Variants in ADAM23 observed in about 807,000 individuals in gnomAD.
The protein encoded by ADAM23 is disintegrin and metalloproteinase domain-containing protein 23.
A neutral mutation model predicts 120.1 loss-of-function variants in ADAM23; 33 were observed. That is an observed-to-expected ratio of 0.27 (90% CI 0.21 to 0.37). The LOEUF is 0.37. ADAM23 is among the 10% of genes least tolerant of loss of function. The pLI is 1.00. For synonymous variants in ADAM23, 367 were observed against 375.2 expected, an observed-to-expected ratio of 0.98 and a Z score of 0.25; for missense variants, 862 against 1,058.2, an observed-to-expected ratio of 0.81 and a Z score of 2.57.
intron 24 of ADAM23, chr2:206,609,641 G>A: frequency 2.6e-6 from 1 of 383,378 alleles, no homozygotes; most frequent in Non-Finnish European, 4.6e-6. Context: ...AGCAAGTGGG[G>A]CCTATTTGCT....
chr2:206,475,632 G>A (rs1695759557), intron 2 of ADAM23, among the ~76,000 whole-genome samples: 2 of 151,860 alleles, frequency 1.3e-5, no homozygotes, highest in Non-Finnish European at 2.9e-5. Flanking sequence ...TGGTGAAGTG[G>A]ACTCTTGTTC....
intron 2 of ADAM23, among the ~76,000 whole-genome samples, chr2:206,465,551 A>G (rs2105863660): frequency 6.6e-6 from 1 of 152,328 alleles, no homozygotes; most frequent in African/African-American, 2.4e-5. Context: ...TTTTATTTTG[A>G]GCTCTTAATC....
rs527865073 is a variant in ADAM23 at position 206,592,505 on chromosome 2, T to C, written c.1959-112T>C. 9.2e-5 allele frequency: 123 copies of C among 1,334,618 alleles called. No homozygotes were observed. In the South Asian group the frequency reaches 1.7e-3, roughly 19 times the overall value. The allele number at this position is 1,334,618 out of a possible 1,614,324, so 82.7% of individuals were successfully genotyped here. A position where few individuals can be genotyped will look rare whatever the true frequency, so the allele number is the denominator to read the frequency against. On this transcript the variant is annotated intron_variant, in intron 21 of 25. Coordinates refer to ENST00000264377, the MANE Select transcript of ADAM23 (RefSeq NM_003812.4). ...TGATATATGATCAAATGTTTTTGTTTAGAAAGAAAGATAATATTTTAAAAA... is the reference window on the plus strand; with the variant it reads ...TGATATATGATCAAATGTTTTTGTTCAGAAAGAAAGATAATATTTTAAAAA...
rs1199167461 is a variant in ADAM23 at position 206,477,893 on chromosome 2, A to ATAT, written c.433-3339_433-3338insTAT. On this transcript the variant is annotated intron_variant, in intron 2 of 25. Transcript: ENST00000264377. ...CCAATATTCTGTTAAAAAAAAAAAA[A>ATAT]AAAAATATATATATATATATATATA... Among the ~76,000 whole-genome samples, 541 of 101,336 alleles carry ATAT rather than the reference A, an allele frequency of 5.3e-3. 4 individuals are homozygous for ATAT. The highest frequency in any genetic ancestry group is 0.016 in the South Asian group (55 of 3,542). 66.5% of individuals were successfully genotyped at this position (101,336 alleles called of 152,430 possible).
At chr2:206,607,262 G>C (rs567813559) in intron 24 of ADAM23, 1 of 152,164 alleles carries the variant, frequency 6.6e-6, no homozygotes, top group Non-Finnish European at 1.5e-5. Flanking sequence ...CCATAACAGG[G>C]ATAAAAATAT....
chr2:206,464,584 T>A (rs189038451), intron 2 of ADAM23, among the ~76,000 whole-genome samples: 8,218 of 149,222 alleles, frequency 0.055, 283 homozygotes, highest in Middle Eastern at 0.12. Flanking sequence ...AAAAAAAAAA[T>A]AATAATAATA....
At chr2:206,550,897 G>A (rs528481748) in intron 9 of ADAM23, among the ~76,000 whole-genome samples, 133 of 152,308 alleles carry the variant, frequency 8.7e-4, no homozygotes, top group African/African-American at 2.9e-3. Context: ...CACCGCGCCC[G>A]GCGACTTATC....
intron 4 of ADAM23, among the ~76,000 whole-genome samples, chr2:206,532,820 C>T (rs973152281): frequency 1.3e-5 from 2 of 151,850 alleles, no homozygotes; most frequent in Non-Finnish European, 2.9e-5. Context: ...TGACTCTTTC[C>T]AATCTTTCAC....
At chr2:206,547,601 C>T (rs1697426058) in intron 7 of ADAM23, 100 bp downstream of exon 7, 1 of 1,000,708 alleles carries the variant, frequency 1.0e-6, no homozygotes, top group Admixed American at 2.3e-5. Flanking sequence ...TGGAATTGGT[C>T]TGATATCAGG....
rs1698343187 is a variant in ADAM23 at position 206,587,379 on chromosome 2, T to C, written c.1788+4T>C. ...ATATGCATGCAATCAAAATCAGGTA[T>C]GCTGGGCTATAAATTTTAAGTGTAA... is the stretch of plus-strand genomic sequence containing the variant. On this transcript the variant is annotated splice_donor_region_variant and intron_variant, in intron 19 of 25. Coordinates refer to ENST00000264377, the MANE Select transcript of ADAM23 (RefSeq NM_003812.4). 5 of 1,598,676 alleles carry C rather than the reference T, an allele frequency of 3.1e-6. No individual in the cohort carries two copies. In the South Asian group the frequency reaches 4.6e-5, roughly 15 times the overall value.
Position 206,604,191 on chromosome 2 carries a change from G to A in ADAM23, c.2360-5719G>A, listed in dbSNP as rs954628523. On this transcript the variant is annotated intron_variant, in intron 24 of 25. Transcript: ENST00000264377. ...TGAGGCAGAAGAATTGCTTGAACCC[G>A]GGAGGCAGAGGTTGCAGTGAGCTGA... 3.3e-5 allele frequency among the ~76,000 whole-genome samples: 5 copies of A among 152,058 alleles called. No individual in the cohort carries two copies. In the South Asian group the frequency reaches 1.0e-3, roughly 32 times the overall value.
intron 3 of ADAM23, among the ~76,000 whole-genome samples, chr2:206,493,403 G>A (rs754103281): frequency 4.0e-5 from 6 of 151,872 alleles, no homozygotes; most frequent in African/African-American, 9.7e-5. Context: ...ACGGAGTTTC[G>A]CTCTTGTCAC....
intron 20 of ADAM23, among the ~76,000 whole-genome samples, chr2:206,588,816 G>T (rs1307880474): frequency 6.6e-6 from 1 of 152,210 alleles, no homozygotes; most frequent in East Asian, 1.9e-4. Context: ...CACAGAATGA[G>T]AACAGGGCTC....
At chr2:206,554,748 C>T (rs1697607188) in intron 9 of ADAM23, among the ~76,000 whole-genome samples, 2 of 152,144 alleles carry the variant, frequency 1.3e-5, no homozygotes, top group South Asian at 4.1e-4. Context: ...AAACCCACCT[C>T]ATAGAGTTGT....
intron 2 of ADAM23, among the ~76,000 whole-genome samples, chr2:206,469,899 G>C (rs912032749): frequency 1.3e-5 from 2 of 152,090 alleles, no homozygotes; most frequent in African/African-American, 4.8e-5. Context: ...CCTAGTCTTT[G>C]CTCAAATATC....
At chr2:206,564,429 C>T (rs1190585667) in intron 13 of ADAM23, among the ~76,000 whole-genome samples, 1 of 152,180 alleles carries the variant, frequency 6.6e-6, no homozygotes, top group Non-Finnish European at 1.5e-5. Flanking sequence ...ATCCTCACTT[C>T]AACTCTAACA....
At chr2:206,469,962 T>G (rs1559221330) in intron 2 of ADAM23, among the ~76,000 whole-genome samples, 1 of 152,188 alleles carries the variant, frequency 6.6e-6, no homozygotes. Flanking sequence ...ATCACCTCTT[T>G]CTTCTAAAAA....
At chr2:206,533,021 C>T (rs895086329) in intron 4 of ADAM23, among the ~76,000 whole-genome samples, 3 of 151,016 alleles carry the variant, frequency 2.0e-5, no homozygotes, top group African/African-American at 7.3e-5. Context: ...ACCACCATTA[C>T]ATATATATAT....
At chr2:206,539,231 A>G (rs1487785886) in intron 4 of ADAM23, among the ~76,000 whole-genome samples, 1 of 152,202 alleles carries the variant, frequency 6.6e-6, no homozygotes, top group East Asian at 1.9e-4. Context: ...TGACTAGCCA[A>G]TAACTTCCAC....
Sources: gnomAD v4.1 joint callset for allele counts (sites outside exome capture counted in the v4.1 genomes callset) on GRCh38, gnomAD v4.1.1 for gene constraint, MANE v1.5 for transcripts, NCBI Gene and HGNC (gene_info 2026-07-23, HGNC 2026-07-21) for gene names.